NT5DC4: variants seen among roughly 807,000 people sequenced by gnomAD.
The protein encoded by NT5DC4 is 5'-nucleotidase domain containing 4.
A neutral mutation model predicts 26.6 loss-of-function variants in NT5DC4; 44 were observed. That is an observed-to-expected ratio of 1.65 (90% confidence interval 1.30 to 2.13). NT5DC4 has a LOEUF of 2.13. Among genes scored for constraint, NT5DC4 ranks in the 30% most tolerant of loss-of-function variants. The pLI is 0.00. For synonymous variants in NT5DC4, 157 were observed against 86.7 expected (o/e 1.81, Z -4.51); for missense variants, 399 against 228.1 (o/e 1.75, Z -4.83).
At chr2:112,722,917 C>CCCCCAATCCTG (rs58383101) in intron 6 of NT5DC4, 146 bp downstream of exon 6, 1 of 478,830 alleles carries the variant, frequency 2.1e-6, no homozygotes, top group East Asian at 3.2e-5. Context: ...TGCAGGCTAG[C>CCCCCAATCCTG]ACACACCCTT....
chr2:112,721,916 A>T (rs892486575), intron 2 of NT5DC4, 25 bp downstream of exon 2: 7 of 717,250 alleles, frequency 9.8e-6, no homozygotes, highest in Admixed American at 2.0e-5. Flanking sequence ...AACACAGCGT[A>T]TTGGGAGCTG....
At position 112,738,875 on chromosome 2, in the gene NT5DC4, C is replaced by T. The variant is rs35691553; in HGVS notation, c.1345-38C>T. 2,497 of 1,613,962 alleles carry T rather than the reference C, an allele frequency of 1.5e-3. 33 individuals carry two copies. The African/African-American group carries it at 0.028, about 18-fold the overall frequency. On this transcript the variant is annotated intron_variant, in intron 16 of 16. Coordinates refer to ENST00000688554, the MANE Select transcript of NT5DC4 (RefSeq NM_001393655.1). ...TGTTACAGGCAGCGCCTCATTTCTA[C>T]GGAATATAAAACATTTTGTTTCTTC... is the stretch of plus-strand genomic sequence containing the variant.
chr2:112,730,142 G>A (rs1330340329), intron 16 of NT5DC4, among the ~76,000 whole-genome samples: 6 of 151,830 alleles, frequency 4.0e-5, no homozygotes, highest in South Asian at 2.1e-4. Context: ...GTGAAAACCC[G>A]TCTCTATTAA....
At chr2:112,729,814 G>C in intron 16 of NT5DC4, 110 bp downstream of exon 16, 1 of 663,836 alleles carries the variant, frequency 1.5e-6, no homozygotes, top group African/African-American at 1.8e-5. Context: ...TTGGTGGGGG[G>C]GCTTGTGGGC....
At chr2:112,719,840 TTCCCTCCCTCCC>T (rs200570715), upstream of NT5DC4, among the ~76,000 whole-genome samples, 44 of 78,418 alleles carry the variant, frequency 5.6e-4, no homozygotes, top group South Asian at 1.1e-3. Flanking sequence ...CCTTCCTTCC[TTCCCTCCCTCCC>T]TCCCTCCCTC....
rs1290872303 is a variant in NT5DC4, at chr2:112,726,749, G to A, written c.1266+11G>A. The stretch of plus-strand genomic sequence containing the variant: ...AAGAGAGAGATCCAGGTGGGAGCTG[G>A]GTGGCGAGGGAAGGGACAGGCCCAG... On this transcript the variant is annotated intron_variant, in intron 15 of 16. Coordinates refer to ENST00000688554, the MANE Select transcript of NT5DC4 (RefSeq NM_001393655.1). 5.6e-6 allele frequency: 4 copies of A among 717,494 alleles called. No homozygotes were observed. In the South Asian group the frequency reaches 5.9e-5, roughly 11 times the overall value. 44.4% of individuals were successfully genotyped at this position (717,494 alleles called of 1,614,324 possible).
Position 112,723,966 on chromosome 2 carries a change from C to T in NT5DC4, c.757-128C>T, listed in dbSNP as rs915914674. On this transcript the variant is annotated intron_variant, in intron 9 of 16. Transcript: ENST00000688554. ...TCCATTTCTTGGCCTTTCAAGGCCTCAGAAGAATGAGCAACTTTCTCACCA... is the reference window on the plus strand; with the variant it reads ...TCCATTTCTTGGCCTTTCAAGGCCTTAGAAGAATGAGCAACTTTCTCACCA... 3 of 701,872 alleles carry T rather than the reference C, an allele frequency of 4.3e-6. No individual in the cohort carries two copies. The African/African-American group carries it at 5.3e-5, about 12-fold the overall frequency. 43.5% of individuals were successfully genotyped at this position (701,872 alleles called of 1,614,324 possible).
intron 16 of NT5DC4, among the ~76,000 whole-genome samples, chr2:112,730,010 G>T (rs1273431726): frequency 6.6e-6 from 1 of 152,044 alleles, no homozygotes; most frequent in Non-Finnish European, 1.5e-5. Flanking sequence ...CTAAATATTT[G>T]TTTTTAAAAT....
intron 16 of NT5DC4, 79 bp from the exon 17 acceptor site, chr2:112,738,834 G>A (rs1248710906): frequency 6.2e-7 from 1 of 1,600,352 alleles, no homozygotes; most frequent in African/African-American, 1.3e-5. Context: ...TATGATTCAG[G>A]GGTTTGAAAC....
At chr2:112,720,104 A>C (rs59430893), upstream of NT5DC4, among the ~76,000 whole-genome samples, 1 of 147,238 alleles carries the variant, frequency 6.8e-6, no homozygotes, top group Non-Finnish European at 1.5e-5. Flanking sequence ...GGAGTGCAGC[A>C]ATCTCGGCTC....
At chr2:112,719,481 C>CT (rs57789268), upstream of NT5DC4, among the ~76,000 whole-genome samples, 662 of 101,260 alleles carry the variant, frequency 6.5e-3, 20 homozygotes, top group Middle Eastern at 0.038. Flanking sequence ...ACTTGTCTGT[C>CT]TTTTTTTTTT....
chr2:112,722,425 G>C, intron 4 of NT5DC4, 58 bp from the exon 5 acceptor site: 1 of 715,776 alleles, frequency 1.4e-6, no homozygotes, highest in African/African-American at 1.7e-5. Context: ...GGAAGGGATG[G>C]CCAGAGCCTG....
At chr2:112,735,788 T>C (rs1679074418) in intron 16 of NT5DC4, among the ~76,000 whole-genome samples, 1 of 152,146 alleles carries the variant, frequency 6.6e-6, no homozygotes, top group African/African-American at 2.4e-5. Flanking sequence ...CCACAACCTT[T>C]TGTGTCTGCA....
intron 16 of NT5DC4, chr2:112,737,754 T>C (rs1463419475): frequency 6.6e-6 from 1 of 152,206 alleles, no homozygotes; most frequent in Non-Finnish European, 1.5e-5. Flanking sequence ...TTCTCCTTGG[T>C]AATGAATGCT....
Position 112,722,017 on chromosome 2 carries a change from C to CT in NT5DC4, c.182dup (p.Glu62ArgfsTer15). On this transcript the variant is annotated frameshift_variant, in exon 3 of 17. Coordinates refer to ENST00000688554, the MANE Select transcript of NT5DC4 (RefSeq NM_001393655.1). LOFTEE classifies it high-confidence loss of function. Reference sequence around the variant, plus strand: ...AGTCCCCAGCTTATGAGGCCCTGACCTTCGAGCTGCTGCTGGAGCGCCTGG... The same window carrying CT: ...AGTCCCCAGCTTATGAGGCCCTGACCTTTCGAGCTGCTGCTGGAGCGCCTGG... The CT allele has an allele frequency of 1.4e-6, 1 of 717,288 alleles. No homozygotes were observed. Among genetic ancestry groups the CT allele is most frequent in the Non-Finnish European group, 2.6e-6 (1 of 385,096 alleles). The allele number at this position is 717,288 out of a possible 1,614,324, so 44.4% of individuals were successfully genotyped here. A position where few individuals can be genotyped will look rare whatever the true frequency, so the allele number is the denominator to read the frequency against.
intron 16 of NT5DC4, among the ~76,000 whole-genome samples, chr2:112,735,038 A>ATTTTTTTTTTTTT (rs70965024): frequency 1.1e-5 from 1 of 94,492 alleles, no homozygotes; most frequent in East Asian, 3.1e-4. Context: ...AGGCAAGAAC[A>ATTTTTTTTTTTTT]TTTTTTTTTT....
At chr2:112,724,957 C>T (rs1677500497) in intron 11 of NT5DC4, 51 bp downstream of exon 11, 2 of 711,770 alleles carry the variant, frequency 2.8e-6, no homozygotes, top group South Asian at 3.0e-5. Flanking sequence ...AGCCTGCCTG[C>T]CCCTTAGACT....
chr2:112,738,877 G>C (rs759523590), intron 16 of NT5DC4, 36 bp from the exon 17 acceptor site: 2 of 1,613,838 alleles, frequency 1.2e-6, no homozygotes, highest in East Asian at 2.2e-5. Context: ...CATTTCTACG[G>C]AATATAAAAC....
upstream of NT5DC4, among the ~76,000 whole-genome samples, chr2:112,719,481 C>CTTTTTTTT (rs57789268): frequency 6.8e-4 from 69 of 101,280 alleles, 2 homozygotes; most frequent in African/African-American, 1.1e-3. Context: ...ACTTGTCTGT[C>CTTTTTTTT]TTTTTTTTTT....
Sources: allele counts gnomAD v4.1 joint callset (sites outside exome capture counted in the v4.1 genomes callset), GRCh38; gene constraint gnomAD v4.1.1; transcripts MANE v1.5; gene names NCBI Gene and HGNC (gene_info 2026-07-23, HGNC 2026-07-21).